Variants in TTLL8 observed in about 807,000 individuals in gnomAD.
TTLL8 encodes tubulin tyrosine ligase like 8.
In TTLL8, 65 loss-of-function variants were observed where a neutral mutation model predicts 77.8. The ratio of observed to expected loss-of-function variants is 0.84; its 90% CI spans 0.68 to 1.03. TTLL8 has a LOEUF of 1.03. Ranked by LOEUF, TTLL8 falls within the 50% of genes least tolerant of loss-of-function variation. TTLL8 has a pLI of 0.00. For synonymous variants in TTLL8, 402 were observed against 422.8 expected, an observed-to-expected ratio of 0.95 and a Z score of 0.60; for missense variants, 910 against 1,004.5, an observed-to-expected ratio of 0.91 and a Z score of 1.27.
intron 1 of TTLL8, among the ~76,000 whole-genome samples, chr22:50,050,924 G>C (rs957048860): frequency 1.6e-4 from 24 of 152,186 alleles, no homozygotes; most frequent in African/African-American, 5.8e-4. Flanking sequence ...TAAGACGCGA[G>C]TCTGCTGACA....
chr22:50,031,931 C>T (rs1324694422), exon 11 of TTLL8: 2 of 1,366,812 alleles, frequency 1.5e-6, no homozygotes, highest in Non-Finnish European at 2.0e-6. Context: ...ATGGCGTGGG[C>T]GATGGCCTTC....
At chr22:50,033,665 C>A (rs1166830066) in intron 9 of TTLL8, among the ~76,000 whole-genome samples, 1 of 152,198 alleles carries the variant, frequency 6.6e-6, no homozygotes, top group Non-Finnish European at 1.5e-5. Flanking sequence ...AGGCTCTCCC[C>A]CAACAGAACC....
At chr22:50,047,019 C>A in intron 4 of TTLL8, 149 bp downstream of exon 6, 2 of 1,145,762 alleles carry the variant, frequency 1.7e-6, no homozygotes, top group Non-Finnish European at 2.2e-6. Context: ...CCGAGTGATT[C>A]TGGCCACGGC....
At chr22:50,031,638 C>A (rs781728445) in intron 11 of TTLL8, 48 bp downstream of exon 12, 3 of 1,222,200 alleles carry the variant, frequency 2.5e-6, no homozygotes, top group South Asian at 2.9e-5. Flanking sequence ...GGCAAAGCAT[C>A]CACATGGCGG....
intron 12 of TTLL8, among the ~76,000 whole-genome samples, chr22:50,022,079 ATGCACTCCTCCATCTGACG>A (rs1379328940): frequency 3.2e-5 from 3 of 93,982 alleles, no homozygotes; most frequent in Non-Finnish European, 4.2e-5. Context: ...ATCTGACGAC[ATGCACTCCTCCATCTGACG>A]TGCACTCCTC....
chr22:50,028,942 C>A (rs111940645), intron 12 of TTLL8, among the ~76,000 whole-genome samples: 292 of 25,738 alleles, frequency 0.011, no homozygotes, highest in Non-Finnish European at 0.014. Flanking sequence ...CCCCACACAC[C>A]CTCGTAAAGA....
chr22:50,045,104 T>C (rs1189064165), intron 6 of TTLL8, 151 bp downstream of exon 8: 2 of 927,874 alleles, frequency 2.2e-6, no homozygotes, highest in African/African-American at 3.5e-5. Flanking sequence ...AAAACCCGTC[T>C]GCCATGAGAA....
chr22:50,024,802 T>C (rs137885), intron 12 of TTLL8, among the ~76,000 whole-genome samples: 72,324 of 152,054 alleles, frequency 0.48, 17,794 homozygotes, highest in Admixed American at 0.54. Flanking sequence ...GGGGCTCTGA[T>C]GGGTGAATGA....
intron 5 of TTLL8, 144 bp from the exon 8 acceptor site, chr22:50,045,533 G>A: frequency 1.4e-6 from 1 of 713,426 alleles, no homozygotes; most frequent in Non-Finnish European, 2.1e-6. Context: ...CACACCCCCA[G>A]TCTGCCTGCC....
intron 6 of TTLL8, among the ~76,000 whole-genome samples, chr22:50,043,649 A>C (rs2061390021): frequency 6.6e-6 from 1 of 152,204 alleles, no homozygotes; most frequent in Non-Finnish European, 1.5e-5. Flanking sequence ...ATAAATAAAC[A>C]GTGGTAGATC....
intron 8 of TTLL8, among the ~76,000 whole-genome samples, chr22:50,037,769 C>A (rs370372121): frequency 2.0e-5 from 3 of 152,110 alleles, no homozygotes; most frequent in African/African-American, 7.2e-5. Flanking sequence ...TATTGTAAAC[C>A]TAGAGTAAGT....
chr22:50,038,643 C>T (rs1270504736), intron 8 of TTLL8, among the ~76,000 whole-genome samples: 2 of 152,136 alleles, frequency 1.3e-5, no homozygotes, highest in East Asian at 3.8e-4. Context: ...AAGACCCTGT[C>T]TCTACAAAAT....
intron 12 of TTLL8, among the ~76,000 whole-genome samples, chr22:50,029,671 C>A (rs1361578512): frequency 1.3e-5 from 2 of 152,144 alleles, no homozygotes. Flanking sequence ...GCGGAGGCTG[C>A]AGTGAGCCGA....
At chr22:50,050,931 G>A (rs2061440864) in intron 1 of TTLL8, among the ~76,000 whole-genome samples, 1 of 152,234 alleles carries the variant, frequency 6.6e-6, no homozygotes, top group Non-Finnish European at 1.5e-5. Context: ...CGAGTCTGCT[G>A]ACACTCCCGG....
chr22:50,030,439 CG>C lies in TTLL8; in HGVS notation c.2193del (p.Gly732GlufsTer?). On this transcript the variant is annotated frameshift_variant, in exon 12 of 14. Transcript: ENST00000266182. LOFTEE classifies it high-confidence loss of function. ...CGGCGGCGCAGGTTACCTTTTCCTC[CG>C]GGCGGCGGACGCAGCGCGCCCTCTG... The C allele has an allele frequency of 7.5e-7, 1 of 1,332,448 alleles. No individual in the cohort carries two copies. 82.5% of individuals were successfully genotyped at this position (1,332,448 alleles called of 1,614,324 possible).
upstream of TTLL8, chr22:50,055,014 C>T (rs1022815820): frequency 6.6e-5 from 27 of 411,774 alleles, no homozygotes; most frequent in Admixed American, 1.4e-3. Context: ...AAGCTGAGAT[C>T]GTGCCACTGC....
In TTLL8 at chr22:50,041,638, C is replaced by G; in HGVS notation, c.813G>C (p.Gln271His). Residue 271 changes from glutamine (Q) to histidine (H), a missense_variant, in exon 7 of 14, where the codon CAG becomes CAC. Physicochemically the swap from Gln to His is conservative, Grantham distance 24. This residue lies in a region of TTLL8 where 776 missense variants were observed against 926.1 expected (regional missense o/e 0.84). Coordinates refer to ENST00000266182, the Ensembl canonical transcript of TTLL8. The surrounding 1 kb of genome is among the most constrained non-coding windows in gnomAD (Gnocchi z 4.3). ...AGTCTTACTGAACGAGGGAGTAGTA[C>G]TGCTGGGTCAGGTCCTCCCACTCGG... 1 of 1,365,048 alleles carries G rather than the reference C, an allele frequency of 7.3e-7. No homozygotes were observed. Among genetic ancestry groups the G allele is most frequent in the South Asian group, 1.1e-5 (1 of 87,800 alleles). The allele number at this position is 1,365,048 out of a possible 1,614,324, so 84.6% of individuals were successfully genotyped here.
chr22:50,042,972 A>T (rs374339456), intron 6 of TTLL8, among the ~76,000 whole-genome samples: 2 of 152,270 alleles, frequency 1.3e-5, no homozygotes, highest in African/African-American at 4.8e-5. Context: ...ACCACCCAGT[A>T]AGTGCGTTCC....
At chr22:50,035,796 G>A (rs748611053) in intron 8 of TTLL8, among the ~76,000 whole-genome samples, 5 of 152,176 alleles carry the variant, frequency 3.3e-5, no homozygotes, top group Admixed American at 6.5e-5. Context: ...GGGCTACAGC[G>A]ACTCCCTCAG....
Sources: allele counts gnomAD v4.1 joint callset (sites outside exome capture counted in the v4.1 genomes callset), GRCh38; gene constraint gnomAD v4.1.1; regional missense constraint gnomAD v4.1.1; non-coding constraint Gnocchi (gnomAD v3.1); transcripts MANE v1.5; gene names NCBI Gene and HGNC (gene_info 2026-07-23, HGNC 2026-07-21).